Variants in PCDH15 observed in about 807,000 individuals in gnomAD.
The protein encoded by PCDH15 is protocadherin related 15, also known as protocadherin-15.
PCDH15 carries 129 observed loss-of-function variants against 178.5 expected under a neutral mutation model. The observed-to-expected ratio is 0.72, with a 90% CI of 0.63 to 0.84. The LOEUF (loss-of-function observed/expected upper bound fraction) is 0.84. Ranked by LOEUF, PCDH15 falls within the 40% of genes least tolerant of loss-of-function variation. The pLI, the probability that PCDH15 is intolerant of heterozygous loss-of-function variation, is 0.00. For synonymous variants in PCDH15, 800 were observed against 732.0 expected (o/e 1.09, Z -1.50); for missense variants, 2,230 against 2,099.9 (o/e 1.06, Z -1.21).
intron 26 of PCDH15, among the ~76,000 whole-genome samples, chr10:53,868,393 A>T (rs2133180546): frequency 6.6e-6 from 1 of 152,274 alleles, no homozygotes; most frequent in South Asian, 2.1e-4. Flanking sequence ...TAATAACAAT[A>T]TAAAAAACTG....
At chr10:53,942,172 A>G (rs949297594) in intron 23 of PCDH15, among the ~76,000 whole-genome samples, 3 of 152,220 alleles carry the variant, frequency 2.0e-5, no homozygotes, top group African/African-American at 7.2e-5. Flanking sequence ...TCATTGCATG[A>G]GCAATAACTG....
intron 23 of PCDH15, among the ~76,000 whole-genome samples, chr10:53,942,548 A>G (rs1307604420): frequency 6.6e-6 from 1 of 152,216 alleles, no homozygotes; most frequent in African/African-American, 2.4e-5. Flanking sequence ...CTTTTTGGGT[A>G]TATCCCTCAC....
intron 8 of PCDH15, among the ~76,000 whole-genome samples, chr10:54,250,854 C>T (rs2056416984): frequency 1.3e-5 from 2 of 152,178 alleles, no homozygotes; most frequent in Admixed American, 6.5e-5. Flanking sequence ...CTCACACACA[C>T]ACAACCCAAC....
intron 2 of PCDH15, among the ~76,000 whole-genome samples, chr10:55,353,865 G>A (rs1845006226): frequency 6.6e-6 from 1 of 151,978 alleles, no homozygotes; most frequent in African/African-American, 2.4e-5. Context: ...GAAAGTGAGT[G>A]GATAAATGAT....
intron 1 of PCDH15, among the ~76,000 whole-genome samples, chr10:55,206,164 C>A (rs530225496): frequency 6.6e-6 from 1 of 152,122 alleles, no homozygotes; most frequent in East Asian, 1.9e-4. Context: ...CCTCCTAAAA[C>A]TTGTAGGAAG....
At chr10:55,176,175 C>T (rs900629909) in intron 1 of PCDH15, among the ~76,000 whole-genome samples, 2 of 152,120 alleles carry the variant, frequency 1.3e-5, no homozygotes, top group Non-Finnish European at 2.9e-5. Context: ...GTTCTCCTCT[C>T]CAATCCAGGC....
At chr10:54,728,572 T>C (rs929772779) in intron 1 of PCDH15, among the ~76,000 whole-genome samples, 4 of 151,180 alleles carry the variant, frequency 2.6e-5, no homozygotes, top group African/African-American at 7.3e-5. Flanking sequence ...CAACATGATA[T>C]TGGAAGTCCT....
intron 1 of PCDH15, among the ~76,000 whole-genome samples, chr10:54,722,346 T>C (rs1941760412): frequency 6.6e-6 from 1 of 151,692 alleles, no homozygotes; most frequent in African/African-American, 2.4e-5. Context: ...AACATAGTAG[T>C]GGAAGTCACT....
At chr10:55,424,260 T>G (rs911391153) in intron 2 of PCDH15, among the ~76,000 whole-genome samples, 1 of 152,122 alleles carries the variant, frequency 6.6e-6, no homozygotes, top group Non-Finnish European at 1.5e-5. Flanking sequence ...GAACTAATTA[T>G]TCTTTGTGCT....
intron 21 of PCDH15, among the ~76,000 whole-genome samples, chr10:53,963,522 C>A (rs930031030): frequency 1.3e-5 from 2 of 152,144 alleles, no homozygotes; most frequent in African/African-American, 4.8e-5. Context: ...CAAATATCTT[C>A]TATTTGTTCA....
At chr10:54,871,786 C>G (rs1057061114) in intron 3 of PCDH15, among the ~76,000 whole-genome samples, 3 of 151,984 alleles carry the variant, frequency 2.0e-5, no homozygotes, top group Admixed American at 1.3e-4. Context: ...AACAGTTAAG[C>G]CTATCATGAT....
chr10:54,394,245 A>C (rs1256837096), intron 3 of PCDH15, among the ~76,000 whole-genome samples: 1 of 152,108 alleles, frequency 6.6e-6, no homozygotes, highest in Non-Finnish European at 1.5e-5. Flanking sequence ...AATATGTTGC[A>C]TTATATGTAG....
chr10:54,949,364 A>T (rs1303070131), intron 2 of PCDH15, among the ~76,000 whole-genome samples: 1 of 151,880 alleles, frequency 6.6e-6, no homozygotes, highest in African/African-American at 2.4e-5. Context: ...TAAAACCATT[A>T]GATCATGAGA....
chr10:54,154,708 T>C (rs1382804190), intron 13 of PCDH15, among the ~76,000 whole-genome samples: 1 of 152,170 alleles, frequency 6.6e-6, no homozygotes, highest in Non-Finnish European at 1.5e-5. Flanking sequence ...ATAATGTCCA[T>C]AGACATAGCA....
intron 2 of PCDH15, among the ~76,000 whole-genome samples, chr10:54,584,747 C>A (rs965227619): frequency 2.0e-5 from 3 of 152,084 alleles, no homozygotes; most frequent in African/African-American, 7.2e-5. Flanking sequence ...GGAAGCATAA[C>A]TGTGCTGAGT....
intron 3 of PCDH15, among the ~76,000 whole-genome samples, chr10:54,810,652 C>G (rs1398170559): frequency 6.6e-5 from 10 of 152,000 alleles, no homozygotes; most frequent in African/African-American, 2.4e-4. Flanking sequence ...AGTGTCAACC[C>G]CTAGAGTGTA....
intron 21 of PCDH15, among the ~76,000 whole-genome samples, chr10:53,983,792 T>G (rs1163840734): frequency 2.6e-5 from 4 of 152,198 alleles, no homozygotes; most frequent in Non-Finnish European, 5.9e-5. Context: ...CCAAAGGAAC[T>G]TAGAGATGAA....
intron 10 of PCDH15, among the ~76,000 whole-genome samples, chr10:54,196,529 G>C (rs1334270523): frequency 6.6e-6 from 1 of 152,196 alleles, no homozygotes; most frequent in African/African-American, 2.4e-5. Flanking sequence ...AGATACTTGA[G>C]TGTACCGCTG....
At chr10:54,658,005 C>G (rs1341744061) in intron 2 of PCDH15, among the ~76,000 whole-genome samples, 1 of 152,048 alleles carries the variant, frequency 6.6e-6, no homozygotes, top group African/African-American at 2.4e-5. Context: ...AAAGGAATTT[C>G]AAAACATAGT....
Sources: allele counts gnomAD v4.1 joint callset (sites outside exome capture counted in the v4.1 genomes callset), GRCh38; gene constraint gnomAD v4.1.1; transcripts MANE v1.5; gene names NCBI Gene and HGNC (gene_info 2026-07-23, HGNC 2026-07-21).